Variants in ZBTB7C observed in about 807,000 individuals in gnomAD.
ZBTB7C encodes the protein zinc finger and BTB domain-containing protein 7C.
A neutral mutation model predicts 25.7 loss-of-function variants in ZBTB7C; 8 were observed. The ratio of observed to expected loss-of-function variants is 0.31; its 90% CI spans 0.18 to 0.56. ZBTB7C has a LOEUF of 0.56. ZBTB7C is among the 20% of genes least tolerant of loss of function. The pLI, the probability that ZBTB7C is intolerant of heterozygous loss-of-function variation, is 0.91. For synonymous variants in ZBTB7C, 394 were observed against 369.0 expected (o/e 1.07, Z -0.78); for missense variants, 824 against 855.2 (o/e 0.96, Z 0.46).
At chr18:48,101,149 A>G (rs912444132) in intron 3 of ZBTB7C, among the ~76,000 whole-genome samples, 12 of 151,922 alleles carry the variant, frequency 7.9e-5, no homozygotes, top group African/African-American at 2.4e-4. Context: ...GCACCCAACC[A>G]TCTTCCTCCT....
chr18:48,125,970 G>A (rs2039787012), intron 3 of ZBTB7C, among the ~76,000 whole-genome samples: 1 of 152,210 alleles, frequency 6.6e-6, no homozygotes, highest in Non-Finnish European at 1.5e-5. Flanking sequence ...CATGCTGGCG[G>A]CAGGGTCAGT....
At chr18:48,311,755 A>C (rs1457480353) in intron 2 of ZBTB7C, among the ~76,000 whole-genome samples, 1 of 152,232 alleles carries the variant, frequency 6.6e-6, no homozygotes, top group Non-Finnish European at 1.5e-5. Context: ...CATGGCTGAC[A>C]GTAAAGATAT....
chr18:48,096,065 C>T (rs917136422), intron 3 of ZBTB7C, among the ~76,000 whole-genome samples: 5 of 152,312 alleles, frequency 3.3e-5, no homozygotes, highest in Non-Finnish European at 5.9e-5. Context: ...CTGCCGTTAT[C>T]GGGGGCTCAG....
chr18:48,039,249 T>C (rs937951626), intron 4 of ZBTB7C, among the ~76,000 whole-genome samples: 1 of 152,188 alleles, frequency 6.6e-6, no homozygotes, highest in African/African-American at 2.4e-5. Flanking sequence ...CCCAAAATGA[T>C]TGAGAGGACC....
rs1199846307 is a variant in ZBTB7C, at chr18:48,071,221, G to T, written c.-16-30098C>A. On this transcript the variant is annotated intron_variant, in intron 3 of 4. Coordinates refer to ENST00000590800, the MANE Select transcript of ZBTB7C (RefSeq NM_001318841.2). ...CCAGGGGGTATTGTGATTACCCAGG[G>T]GTCCTCTTTAGGAACATAATGATGA... Among the ~76,000 whole-genome samples the T allele has an allele frequency of 2.6e-5, 4 of 152,180 alleles. No individual in the cohort carries two copies. In the East Asian group the frequency reaches 5.8e-4, roughly 22 times the overall value.
At chr18:48,329,379 G>A (rs1395833145) in intron 2 of ZBTB7C, among the ~76,000 whole-genome samples, 1 of 152,302 alleles carries the variant, frequency 6.6e-6, no homozygotes, top group South Asian at 2.1e-4. Context: ...TTAGTGACAT[G>A]TTCAGGGGCG....
At chr18:48,378,568 C>T (rs971192372) in intron 1 of ZBTB7C, among the ~76,000 whole-genome samples, 3 of 152,104 alleles carry the variant, frequency 2.0e-5, no homozygotes, top group Admixed American at 6.5e-5. Context: ...TACCTGCACT[C>T]GGAGATTTTT....
chr18:48,070,190 G>T (rs960086443), intron 3 of ZBTB7C, among the ~76,000 whole-genome samples: 3 of 152,152 alleles, frequency 2.0e-5, no homozygotes, highest in African/African-American at 7.2e-5. Flanking sequence ...TCTGTGTGCC[G>T]GGCATTGCTA....
At chr18:48,147,669 G>A (rs1158052889) in intron 3 of ZBTB7C, 2 of 151,446 alleles carry the variant, frequency 1.3e-5, no homozygotes, top group East Asian at 2.0e-4. Flanking sequence ...AGGCTGGAGT[G>A]CAGTGGTGCG....
chr18:48,110,752 G>A (rs780597828), intron 3 of ZBTB7C, among the ~76,000 whole-genome samples: 12 of 152,110 alleles, frequency 7.9e-5, no homozygotes, highest in South Asian at 6.2e-4. Context: ...TGTGGAGACC[G>A]GGTCCACCTG....
At position 48,040,121 on chromosome 18, in the gene ZBTB7C, G is replaced by A. The variant is rs115555171; in HGVS notation, c.987C>T (p.Asn329=). 1.2e-4 allele frequency: 191 copies of A among 1,597,570 alleles called. 1 individual carries two copies. In the South Asian group the frequency reaches 1.7e-3, roughly 15 times the overall value. ...GGAAGTTGAGATAGGCACCGTAGTC[G>A]TTCTCCGCCTTGATGGGTCCCAGAG... is the stretch of plus-strand genomic sequence containing the variant. The part of the protein sequence containing the change: ...GGPLGPIKAE[N]DYGAYLNFLS... Residue 329 remains asparagine, a synonymous_variant, in exon 4 of 5, where the codon AAC becomes AAT. Transcript: ENST00000590800.
At chr18:48,129,633 C>G (rs1430695049) in intron 3 of ZBTB7C, among the ~76,000 whole-genome samples, 3 of 152,168 alleles carry the variant, frequency 2.0e-5, no homozygotes, top group African/African-American at 4.8e-5. Context: ...TCTCTAATGT[C>G]ACTGGTGTGT....
intron 2 of ZBTB7C, among the ~76,000 whole-genome samples, chr18:48,286,861 G>A (rs1395152612): frequency 6.6e-6 from 1 of 152,084 alleles, no homozygotes; most frequent in Non-Finnish European, 1.5e-5. Context: ...AGACCAGCCT[G>A]GGCAACACGG....
chr18:48,243,270 CAAAA>C (rs57410285), intron 2 of ZBTB7C, among the ~76,000 whole-genome samples: 3 of 88,304 alleles, frequency 3.4e-5, no homozygotes, highest in Non-Finnish European at 4.2e-5. Flanking sequence ...TACCCCCCCA[CAAAA>C]AAAAAAAAAA....
chr18:48,309,825 A>G (rs1706950079), intron 2 of ZBTB7C, among the ~76,000 whole-genome samples: 2 of 152,228 alleles, frequency 1.3e-5, no homozygotes, highest in Non-Finnish European at 2.9e-5. Flanking sequence ...CTAGTTGGTC[A>G]ACTTCAAGCT....
In ZBTB7C at chr18:48,041,388, C is replaced by A; in HGVS notation, c.-16-265G>T. ...TCAGCTACTCACCAAAGGCTGCAAG[C>A]CTTCTCTCAGGCTTGGTGTTACTGA... On this transcript the variant is annotated intron_variant, in intron 3 of 4. Coordinates refer to ENST00000590800, the MANE Select transcript of ZBTB7C (RefSeq NM_001318841.2). 3.0e-6 allele frequency: 3 copies of A among 985,438 alleles called. No individual in the cohort carries two copies. In the South Asian group the frequency reaches 1.4e-4, roughly 46 times the overall value. 61.0% of individuals were successfully genotyped at this position (985,438 alleles called of 1,614,324 possible). A position where few individuals can be genotyped will look rare whatever the true frequency, so the allele number is the denominator to read the frequency against.
chr18:48,281,653 T>C (rs1210069395), intron 2 of ZBTB7C, among the ~76,000 whole-genome samples: 1 of 152,110 alleles, frequency 6.6e-6, no homozygotes, highest in Non-Finnish European at 1.5e-5. Context: ...GGGTGAAGGA[T>C]ATGAACAGAC....
At chr18:48,050,784 C>A (rs942743550) in intron 3 of ZBTB7C, among the ~76,000 whole-genome samples, 2 of 152,100 alleles carry the variant, frequency 1.3e-5, no homozygotes, top group African/African-American at 4.8e-5. Flanking sequence ...TTTTTTTCTG[C>A]AACCAGTCAC....
chr18:48,299,261 C>T lies in ZBTB7C; in HGVS notation c.-79+38913G>A, dbSNP rs527925916. On this transcript the variant is annotated intron_variant, in intron 2 of 4. Coordinates refer to ENST00000590800, the MANE Select transcript of ZBTB7C (RefSeq NM_001318841.2). ...CACTCATGCAGGGAAAAAAACTTAT[C>T]CCCATAATTACTGGGCAAGAGGGCC... Among the ~76,000 whole-genome samples the T allele has an allele frequency of 5.1e-4, 77 of 152,320 alleles. 2 individuals are homozygous for T. The highest frequency in any genetic ancestry group is 1.7e-3 in the African/African-American group (72 of 41,566).
Sources: allele counts gnomAD v4.1 joint callset (sites outside exome capture counted in the v4.1 genomes callset), GRCh38; gene constraint gnomAD v4.1.1; transcripts MANE v1.5; gene names NCBI Gene and HGNC (gene_info 2026-07-23, HGNC 2026-07-21).